The following ZRANB2 variants were observed in gnomAD, a reference collection of about 807,000 sequenced individuals.
ZRANB2 encodes the protein zinc finger RANBP2-type containing 2.
Under a neutral mutation model 53.4 loss-of-function variants are expected in ZRANB2, and 19 were observed. The ratio of observed to expected loss-of-function variants is 0.36; its 90% CI spans 0.25 to 0.52. The LOEUF (loss-of-function observed/expected upper bound fraction) is 0.52. Ranked by LOEUF, ZRANB2 falls within the 20% of genes least tolerant of loss-of-function variation. The probability of loss-of-function intolerance (pLI) is 0.93; values close to 1 mark genes in which losing one functional copy is unlikely to be tolerated. For missense variants in ZRANB2, 309 were observed against 401.1 expected, an observed-to-expected ratio of 0.77 and a Z score of 1.96; for synonymous variants, 145 against 134.8, an observed-to-expected ratio of 1.08 and a Z score of -0.52.
At chr1:71,068,096 CT>C (rs1390617298) in intron 8 of ZRANB2, among the ~76,000 whole-genome samples, 1 of 152,122 alleles carries the variant, frequency 6.6e-6, no homozygotes, top group Non-Finnish European at 1.5e-5. Context: ...AACTCCTGGG[CT>C]CAAGCAGCCC....
rs1170536541 is a variant in ZRANB2, at chr1:71,065,130, T to C, written c.937A>G (p.Arg313Gly). The C allele has an allele frequency of 1.2e-6, 2 of 1,611,044 alleles. No individual in the cohort carries two copies. Among genetic ancestry groups the C allele is most frequent in the African/African-American group, 1.3e-5 (1 of 74,808 alleles). The stretch of plus-strand genomic sequence containing the variant: ...GAATGGGATGATCCAGATGATGACC[T>C]GTGGCGTCTGTAAGACATAATGGAG... ...TRSRSPERRH[R>G]SSSGSSHSGS... is the part of the protein sequence containing the mutation. The change falls in exon 10 of 10, where the codon AGG becomes GGG. Residue 313 changes from arginine to glycine, a missense_variant. By Grantham distance (125) the Arg-to-Gly change is moderately radical. Transcript: ENST00000370920.
rs1661834912 is a variant in ZRANB2 at position 71,081,005 on chromosome 1, C to A, written c.-10G>T. ...AATTCTTGGTCGACATCTTGAACGC[C>A]ACCAGCACAGCCACCCGCAGCTATG... is the stretch of plus-strand genomic sequence containing the variant. On this transcript the variant is annotated 5_prime_UTR_variant, in exon 1 of 10. Transcript: ENST00000370920. 1 of 1,614,024 alleles carries A rather than the reference C, an allele frequency of 6.2e-7. No individual in the cohort carries two copies. Among genetic ancestry groups the A allele is most frequent in the South Asian group, 1.1e-5 (1 of 91,090 alleles).
At chr1:71,066,742 G>C in intron 9 of ZRANB2, 34 bp downstream of exon 9, 1 of 1,603,174 alleles carries the variant, frequency 6.2e-7, no homozygotes, top group Middle Eastern at 1.7e-4. Flanking sequence ...ACACACTTAA[G>C]AACACCCATT....
rs759313363 is a variant in ZRANB2, at chr1:71,080,923, A to C, written c.56+17T>G. 1 of 1,613,812 alleles carries C rather than the reference A, an allele frequency of 6.2e-7. No homozygotes were observed. The highest frequency in any genetic ancestry group is 2.2e-5 in the East Asian group (1 of 44,840). ...CTAACAAACTCCGTCCCAATTCAGG[A>C]CCCTTCTTGAACTCACTTTTTGTCA... On this transcript the variant is annotated intron_variant, in intron 1 of 9. Coordinates refer to ENST00000370920, the MANE Select transcript of ZRANB2 (RefSeq NM_203350.3).
intron 3 of ZRANB2, 50 bp from the exon 4 acceptor site, chr1:71,076,927 T>C (rs754207159): frequency 3.8e-6 from 5 of 1,327,598 alleles, no homozygotes; most frequent in Non-Finnish European, 4.2e-6. Context: ...TAGATGAATA[T>C]CAAATTTTTA....
At chr1:71,080,582 G>C (rs1661818515) in intron 1 of ZRANB2, among the ~76,000 whole-genome samples, 1 of 151,068 alleles carries the variant, frequency 6.6e-6, no homozygotes, top group Admixed American at 6.6e-5. Flanking sequence ...GAAAAGTCAC[G>C]TGGGGGAGAT....
intron 6 of ZRANB2, 107 bp downstream of exon 6, chr1:71,072,014 A>G: frequency 6.8e-7 from 1 of 1,469,242 alleles, no homozygotes; most frequent in Non-Finnish European, 9.1e-7. Flanking sequence ...AGAACAAATG[A>G]AAACACAGAA....
At chr1:71,070,408 A>G (rs1181164387) in intron 7 of ZRANB2, among the ~76,000 whole-genome samples, 1 of 152,194 alleles carries the variant, frequency 6.6e-6, no homozygotes, top group Admixed American at 6.5e-5. Context: ...AAAGCAAACT[A>G]TTAAAAACAT....
At chr1:71,065,180 A>G in intron 9 of ZRANB2, 43 bp from the exon 10 acceptor site, 2 of 1,469,762 alleles carry the variant, frequency 1.4e-6, no homozygotes, top group Non-Finnish European at 1.9e-6. Flanking sequence ...AGTAAGCTAG[A>G]GCTAAATCTC....
chr1:71,070,321 AC>A (rs1661566618), intron 7 of ZRANB2, among the ~76,000 whole-genome samples: 1 of 152,158 alleles, frequency 6.6e-6, no homozygotes, highest in Non-Finnish European at 1.5e-5. Context: ...TTACGCCTGG[AC>A]TTCTCAAAAT....
At position 71,065,076 on chromosome 1, in the gene ZRANB2, A is replaced by G. The variant is rs146523749; in HGVS notation, c.991T>C (p.Ter331GlnextTer19). The G allele has an allele frequency of 1.2e-6, 2 of 1,606,202 alleles. No homozygotes were observed. The highest frequency in any genetic ancestry group is 1.7e-6 in the Non-Finnish European group (2 of 1,174,372). The part of the protein sequence containing the change: ...SGSRSSSKKK[*>Q] ...TTTAAGATGTAAATTTTAATACATTATTTCTTTTTTGAACTTGAACGGGAA... is the reference window on the plus strand; with the variant it reads ...TTTAAGATGTAAATTTTAATACATTGTTTCTTTTTTGAACTTGAACGGGAA... The change falls in exon 10 of 10, where the codon TAA (stop) becomes CAA (glutamine). Residue 331 changes from the stop codon to glutamine, a stop_lost. Coordinates refer to ENST00000370920, the MANE Select transcript of ZRANB2 (RefSeq NM_203350.3).
At chr1:71,067,133 T>A in intron 8 of ZRANB2, 199 bp from the exon 9 acceptor site, 1 of 441,942 alleles carries the variant, frequency 2.3e-6, no homozygotes, top group Non-Finnish European at 3.8e-6. Flanking sequence ...TTTAATTTTG[T>A]CTCTTTAAAA....
intron 6 of ZRANB2, among the ~76,000 whole-genome samples, chr1:71,071,584 A>C (rs1305089647): frequency 6.6e-6 from 1 of 152,134 alleles, no homozygotes; most frequent in Non-Finnish European, 1.5e-5. Context: ...ACCAGACCTG[A>C]AATGTGTGCT....
At chr1:71,066,680 A>C in intron 9 of ZRANB2, 96 bp downstream of exon 9, 1 of 1,311,750 alleles carries the variant, frequency 7.6e-7, no homozygotes, top group African/African-American at 1.5e-5. Context: ...TCGGAACACA[A>C]GAGATAATAA....
chr1:71,070,040 C>T (rs1038387320), intron 7 of ZRANB2, among the ~76,000 whole-genome samples: 8 of 151,996 alleles, frequency 5.3e-5, no homozygotes, highest in Non-Finnish European at 1.0e-4. Flanking sequence ...GTTATAGCCC[C>T]ACTTTGTTAA....
chr1:71,067,053 A>T, intron 8 of ZRANB2, 119 bp from the exon 9 acceptor site: 4 of 983,210 alleles, frequency 4.1e-6, no homozygotes, highest in Non-Finnish European at 5.7e-6. Context: ...AAATTTTATA[A>T]GGAAGAATAC....
chr1:71,067,047 T>C, intron 8 of ZRANB2, 113 bp from the exon 9 acceptor site: 1 of 1,084,952 alleles, frequency 9.2e-7, no homozygotes, highest in African/African-American at 1.6e-5. Flanking sequence ...CTATGAAAAT[T>C]TTATAAGGAA....
At chr1:71,073,754 GTAGT>G (rs1661644805) in intron 4 of ZRANB2, among the ~76,000 whole-genome samples, 1 of 152,020 alleles carries the variant, frequency 6.6e-6, no homozygotes, top group Non-Finnish European at 1.5e-5. Flanking sequence ...TATAACTCTA[GTAGT>G]TAATTTTTCA....
At chr1:71,067,388 A>G (rs1429904757) in intron 8 of ZRANB2, 1 of 225,066 alleles carries the variant, frequency 4.4e-6, no homozygotes, top group Non-Finnish European at 9.0e-6. Context: ...TTAAACTGTT[A>G]TGGAAAAACC....
Sources: gnomAD v4.1 joint callset for allele counts (sites outside exome capture counted in the v4.1 genomes callset) on GRCh38, gnomAD v4.1.1 for gene constraint, MANE v1.5 for transcripts, NCBI Gene and HGNC (gene_info 2026-07-23, HGNC 2026-07-21) for gene names.